KIF6: variants seen among roughly 807,000 people sequenced by gnomAD.
KIF6 encodes kinesin-like protein KIF6.
KIF6 carries 106 observed loss-of-function variants against 112.7 expected under a neutral mutation model. The observed-to-expected ratio is 0.94, with a 90% CI of 0.80 to 1.11. The LOEUF (loss-of-function observed/expected upper bound fraction) is 1.11. Ranked by LOEUF, KIF6 falls within the 50% of genes least tolerant of loss-of-function variation. The pLI is 0.00. For missense variants in KIF6, 929 were observed against 964.0 expected (o/e 0.96, Z 0.48); for synonymous variants, 339 against 339.9 (o/e 1.00, Z 0.03).
At chr6:39,562,999 G>A (rs189370889) in intron 10 of KIF6, among the ~76,000 whole-genome samples, 1 of 152,284 alleles carries the variant, frequency 6.6e-6, no homozygotes, top group East Asian at 1.9e-4. Context: ...CTAGCACTTT[G>A]GGAGGGCAAG....
intron 10 of KIF6, among the ~76,000 whole-genome samples, chr6:39,546,009 A>G (rs1779051397): frequency 6.6e-6 from 1 of 152,210 alleles, no homozygotes. Flanking sequence ...TAGAAAAAGT[A>G]ATGAGAATGT....
Position 39,613,195 on chromosome 6 carries a change from A to G in KIF6, c.633T>C (p.Ile211=). 6.3e-7 allele frequency: 1 copy of G among 1,592,950 alleles called. No individual in the cohort carries two copies. Among genetic ancestry groups the G allele is most frequent in the Non-Finnish European group, 8.5e-7 (1 of 1,171,510 alleles). Residue 211 remains isoleucine, a synonymous_variant, in exon 6 of 23, where the codon ATT becomes ATC. Transcript: ENST00000287152. ...GCAGAGAGAAGTTTATTACCTCTGC[A>G]ATCATTCGGTTGGTGTCTCCTAAAA... ...LLFLGDTNRM[I]AETPMNQAST... is the part of the protein sequence containing the mutation.
rs1452171432 is a variant in KIF6 at position 39,535,704 on chromosome 6, C to T, written c.1645+4299G>A. Among the ~76,000 whole-genome samples the T allele has an allele frequency of 9.8e-5, 15 of 152,288 alleles. No individual in the cohort carries two copies. In the South Asian group the frequency reaches 2.9e-3, roughly 29 times the overall value. On this transcript the variant is annotated intron_variant, in intron 13 of 22. Transcript: ENST00000287152. ...CCAGGAATTGAACTCAGCTCTGCAC[C>T]AAGTGGACCTAATAGACATCTACAG...
chr6:39,601,897 G>T (rs1009466665), intron 6 of KIF6, among the ~76,000 whole-genome samples: 1 of 152,096 alleles, frequency 6.6e-6, no homozygotes, highest in Non-Finnish European at 1.5e-5. Context: ...AAGCAGTGGG[G>T]CAGACCAACA....
chr6:39,634,772 A>G (rs1396997810), intron 5 of KIF6, 77 bp downstream of exon 5: 2 of 887,576 alleles, frequency 2.3e-6, no homozygotes, highest in East Asian at 4.8e-5. Context: ...CCAGAAACAT[A>G]CAAAGTTTCA....
rs761454565 is a variant in KIF6 at position 39,526,237 on chromosome 6, A to G, written c.1645+13766T>C. ...TAGGGAATAGGTATGCATTTTACCA[A>G]GCTTACTTTCTGTCTCTTTGATGCC... On this transcript the variant is annotated intron_variant, in intron 13 of 22. Transcript: ENST00000287152. Among the ~76,000 whole-genome samples the G allele has an allele frequency of 3.9e-5, 6 of 152,216 alleles. 1 individual carries two copies. Among genetic ancestry groups the G allele is most frequent in the Non-Finnish European group, 1.5e-5 (1 of 68,040 alleles).
At chr6:39,418,967 G>A (rs1200983520) in intron 15 of KIF6, among the ~76,000 whole-genome samples, 2 of 152,132 alleles carry the variant, frequency 1.3e-5, no homozygotes, top group African/African-American at 4.8e-5. Flanking sequence ...GAGGCACAGG[G>A]ATCGCCTCTG....
chr6:39,718,727 A>T (rs1790023847), intron 2 of KIF6: 1 of 149,992 alleles, frequency 6.7e-6, no homozygotes, highest in South Asian at 2.1e-4. Flanking sequence ...CAGAGTGAGA[A>T]CCTGTCTTAG....
intron 5 of KIF6, among the ~76,000 whole-genome samples, chr6:39,626,879 C>A (rs777838221): frequency 1.3e-5 from 2 of 151,628 alleles, no homozygotes; most frequent in African/African-American, 2.4e-5. Context: ...GATTATGAAG[C>A]CTTCCAATTT....
rs539353352 is a variant in KIF6 at position 39,342,418 on chromosome 6, G to T, written c.2428+1291C>A. On this transcript the variant is annotated intron_variant, in intron 22 of 22. Coordinates refer to ENST00000287152, the MANE Select transcript of KIF6 (RefSeq NM_145027.6). The surrounding 1 kb of genome is among the most constrained non-coding windows in gnomAD (Gnocchi z 4.7). ...CTAGAATGTCAGTTTCTCACGTGCT[G>T]GGTTCTGTCTTGTTCTCTGCTGTAG... Among the ~76,000 whole-genome samples, 40 of 152,238 alleles carry T rather than the reference G, an allele frequency of 2.6e-4. No individual in the cohort carries two copies. The South Asian group carries it at 7.5e-3, about 28-fold the overall frequency.
intron 3 of KIF6, among the ~76,000 whole-genome samples, chr6:39,700,322 G>A (rs890902490): frequency 1.3e-5 from 2 of 152,178 alleles, no homozygotes; most frequent in Non-Finnish European, 1.5e-5. Context: ...CTAGAGCTAA[G>A]AGTATTTTAT....
intron 3 of KIF6, among the ~76,000 whole-genome samples, chr6:39,699,585 T>C (rs986646023): frequency 1.3e-5 from 2 of 152,078 alleles, no homozygotes; most frequent in Non-Finnish European, 2.9e-5. Flanking sequence ...GGCTAAACTA[T>C]TGTGGAGCCC....
chr6:39,612,539 G>T (rs1783272281), intron 6 of KIF6, among the ~76,000 whole-genome samples: 1 of 152,054 alleles, frequency 6.6e-6, no homozygotes, highest in Non-Finnish European at 1.5e-5. Context: ...GATAAAATAG[G>T]AACTCAGTTA....
chr6:39,465,993 T>A (rs1773762069), intron 13 of KIF6, among the ~76,000 whole-genome samples: 1 of 152,222 alleles, frequency 6.6e-6, no homozygotes, highest in South Asian at 2.1e-4. Context: ...CCAGGCATAG[T>A]CCTCGGCTCT....
At chr6:39,380,743 G>A (rs192725181) in intron 16 of KIF6, among the ~76,000 whole-genome samples, 19 of 152,224 alleles carry the variant, frequency 1.2e-4, no homozygotes, top group African/African-American at 4.3e-4. Flanking sequence ...CGCTAAATGT[G>A]GATTTGGGAA....
chr6:39,664,215 A>G (rs1450398264), intron 3 of KIF6, among the ~76,000 whole-genome samples: 6 of 152,134 alleles, frequency 3.9e-5, no homozygotes, highest in Admixed American at 2.6e-4. Context: ...TTGGTGTTTC[A>G]GGGTGGGGTA....
chr6:39,492,634 C>T (rs541333781), intron 13 of KIF6, among the ~76,000 whole-genome samples: 1 of 152,296 alleles, frequency 6.6e-6, no homozygotes, highest in Non-Finnish European at 1.5e-5. Context: ...GTCTCAGTGA[C>T]TGTTGTGTGC....
chr6:39,478,927 T>C (rs1774621447), intron 13 of KIF6, among the ~76,000 whole-genome samples: 1 of 152,130 alleles, frequency 6.6e-6, no homozygotes, highest in African/African-American at 2.4e-5. Context: ...ATTCATGTCC[T>C]TAGCCTACTT....
chr6:39,520,750 T>G (rs772345043), intron 13 of KIF6, among the ~76,000 whole-genome samples: 10 of 152,152 alleles, frequency 6.6e-5, no homozygotes, highest in Non-Finnish European at 1.3e-4. Context: ...AAGACAAACT[T>G]CACATATGCA....
Sources: gnomAD v4.1 joint callset for allele counts (sites outside exome capture counted in the v4.1 genomes callset) on GRCh38, gnomAD v4.1.1 for gene constraint, Gnocchi (gnomAD v3.1) non-coding constraint, MANE v1.5 for transcripts, NCBI Gene and HGNC (gene_info 2026-07-23, HGNC 2026-07-21) for gene names.